DNMBP: variants seen among roughly 807,000 people sequenced by gnomAD.
DNMBP encodes the protein dynamin-binding protein.
In DNMBP, 87 loss-of-function variants were observed where a neutral mutation model predicts 150.0. The ratio of observed to expected loss-of-function variants is 0.58; its 90% CI spans 0.49 to 0.69. The LOEUF (loss-of-function observed/expected upper bound fraction) is 0.69, where lower values mean the gene tolerates loss of function less well. DNMBP is among the 30% of genes least tolerant of loss of function. DNMBP has a pLI of 0.00. For synonymous variants in DNMBP, 711 were observed against 750.4 expected (o/e 0.95, Z 0.86); for missense variants, 1,774 against 1,949.0 (o/e 0.91, Z 1.69).
intron 3 of DNMBP, among the ~76,000 whole-genome samples, chr10:99,966,821 C>T (rs2040623762): frequency 6.6e-6 from 1 of 151,896 alleles, no homozygotes; most frequent in African/African-American, 2.4e-5. Context: ...TGTTCTGTTG[C>T]CCAAGCTGGA....
chr10:99,940,945 C>T (rs948572645), intron 4 of DNMBP, among the ~76,000 whole-genome samples: 11 of 152,124 alleles, frequency 7.2e-5, no homozygotes, highest in South Asian at 2.1e-4. Flanking sequence ...AGTACGGTGG[C>T]GCGATCTTGG....
chr10:99,927,101 G>A (rs550939823), intron 4 of DNMBP: 2 of 152,548 alleles, frequency 1.3e-5, no homozygotes, highest in East Asian at 1.9e-4. Flanking sequence ...CTGCCTGGGG[G>A]AGAGGCTGGA....
intron 1 of DNMBP, among the ~76,000 whole-genome samples, chr10:99,974,983 G>C (rs537552348): frequency 1.9e-4 from 29 of 152,292 alleles, no homozygotes; most frequent in African/African-American, 7.0e-4. Context: ...GCCCAGGCTG[G>C]TCTCAAACTC....
intron 6 of DNMBP, among the ~76,000 whole-genome samples, chr10:99,905,276 CTG>C (rs1347065940): frequency 6.6e-6 from 1 of 152,226 alleles, no homozygotes; most frequent in East Asian, 1.9e-4. Flanking sequence ...GTTTTTCTAA[CTG>C]TTCCAGAAAA....
intron 1 of DNMBP, among the ~76,000 whole-genome samples, chr10:99,980,298 T>C (rs1050593526): frequency 2.0e-5 from 3 of 151,686 alleles, no homozygotes; most frequent in Non-Finnish European, 4.4e-5. Context: ...TACAAAAAAA[T>C]TAGCCAAGTG....
At chr10:99,947,683 C>T (rs2040373409) in intron 4 of DNMBP, among the ~76,000 whole-genome samples, 3 of 152,016 alleles carry the variant, frequency 2.0e-5, no homozygotes, top group South Asian at 4.2e-4. Context: ...CACAATATAC[C>T]CTTGTAACAA....
intron 4 of DNMBP, chr10:99,914,115 A>T: frequency 2.2e-6 from 3 of 1,359,010 alleles, no homozygotes; most frequent in Non-Finnish European, 9.6e-7. Context: ...GAATCGCGCA[A>T]GTCACCCGGG....
At chr10:99,998,876 T>C (rs964571210) in intron 1 of DNMBP, among the ~76,000 whole-genome samples, 4 of 152,160 alleles carry the variant, frequency 2.6e-5, no homozygotes, top group Admixed American at 2.0e-4. Context: ...CTTTTTAGAT[T>C]TTAAATTGAG....
At chr10:99,932,816 G>C (rs1036504889) in intron 4 of DNMBP, among the ~76,000 whole-genome samples, 1 of 147,314 alleles carries the variant, frequency 6.8e-6, no homozygotes, top group Non-Finnish European at 1.5e-5. Context: ...GGTCTTGCTC[G>C]TGCAGGAGTT....
At chr10:99,985,190 G>A (rs950494203) in intron 1 of DNMBP, among the ~76,000 whole-genome samples, 1 of 152,126 alleles carries the variant, frequency 6.6e-6, no homozygotes, top group Non-Finnish European at 1.5e-5. Flanking sequence ...TCATTAGCAG[G>A]GTAGGTGATT....
Position 99,939,619 on chromosome 10 carries a change from A to G in DNMBP, c.2260+15595T>C, listed in dbSNP as rs1420602625. Reference sequence around the variant, plus strand: ...AATGGAAATAGCCCTTCCACTTTCTAAAACTAAACCACTTTTGTAAAACTA... The same window carrying G: ...AATGGAAATAGCCCTTCCACTTTCTGAAACTAAACCACTTTTGTAAAACTA... On this transcript the variant is annotated intron_variant, in intron 4 of 16. Coordinates refer to ENST00000324109, the MANE Select transcript of DNMBP (RefSeq NM_015221.4). 2.0e-5 allele frequency among the ~76,000 whole-genome samples: 3 copies of G among 152,260 alleles called. No individual in the cohort carries two copies. In the East Asian group the frequency reaches 5.8e-4, roughly 29 times the overall value.
chr10:99,875,856 T>C lies in DNMBP; in HGVS notation c.*1295A>G, dbSNP rs1362506938. ...ATAGGCTTCATAGCTGGGGAAGATCTTAAGATTCTTGGTCTAAGGGGTAAG... is the reference window on the plus strand; with the variant it reads ...ATAGGCTTCATAGCTGGGGAAGATCCTAAGATTCTTGGTCTAAGGGGTAAG... On this transcript the variant is annotated 3_prime_UTR_variant, in exon 17 of 17. Coordinates refer to ENST00000324109, the MANE Select transcript of DNMBP (RefSeq NM_015221.4). 1 of 152,238 alleles carries C rather than the reference T, an allele frequency of 6.6e-6. No individual in the cohort carries two copies. The highest frequency in any genetic ancestry group is 1.5e-5 in the Non-Finnish European group (1 of 68,044). The allele number at this position is 152,238 out of a possible 1,614,324, so 9.4% of individuals were successfully genotyped here.
At chr10:99,999,501 G>A (rs1019393331) in intron 1 of DNMBP, among the ~76,000 whole-genome samples, 2 of 152,078 alleles carry the variant, frequency 1.3e-5, no homozygotes, top group Admixed American at 6.5e-5. Context: ...CACCTTATCC[G>A]CGGTTTCACT....
intron 3 of DNMBP, 94 bp from the exon 4 acceptor site, chr10:99,957,299 C>A: frequency 8.7e-7 from 1 of 1,151,366 alleles, no homozygotes; most frequent in Non-Finnish European, 1.2e-6. Context: ...TAAACAGCTA[C>A]CAAATTCAAG....
intron 6 of DNMBP, 79 bp from the exon 7 acceptor site, chr10:99,900,145 CT>C (rs1156769793): frequency 6.9e-7 from 1 of 1,455,708 alleles, no homozygotes; most frequent in Non-Finnish European, 9.5e-7. Flanking sequence ...CACAGCCAAA[CT>C]TTAGTACCAG....
intron 11 of DNMBP, among the ~76,000 whole-genome samples, chr10:99,891,826 C>T (rs1316012096): frequency 1.4e-4 from 21 of 151,164 alleles, no homozygotes; most frequent in Admixed American, 1.4e-3. Context: ...TGCCCCGCCG[C>T]CCCATCTGGG....
In DNMBP at chr10:99,930,218, C is replaced by CTATATATA. The variant is rs1564735869; in HGVS notation, c.2261-21073_2261-21072insTATATATA. 175 of 702,950 alleles carry CTATATATA rather than the reference C, an allele frequency of 2.5e-4. 2 individuals carry two copies. The East Asian group carries it at 4.7e-3, about 19-fold the overall frequency. The allele number at this position is 702,950 out of a possible 1,614,324, so 43.5% of individuals were successfully genotyped here. A position where few individuals can be genotyped will look rare whatever the true frequency, so the allele number is the denominator to read the frequency against. ...AATCCTCAAGATTATGGTTAACATT[C>CTATATATA]TCATGGTCTATATACCACAACTGAG... is the stretch of plus-strand genomic sequence containing the variant. On this transcript the variant is annotated intron_variant, in intron 4 of 16. Coordinates refer to ENST00000324109, the MANE Select transcript of DNMBP (RefSeq NM_015221.4).
chr10:99,882,315 CTAATGA>C (rs1380349319), intron 15 of DNMBP, among the ~76,000 whole-genome samples: 2 of 152,274 alleles, frequency 1.3e-5, no homozygotes, highest in South Asian at 4.1e-4. Context: ...GTTACTATAG[CTAATGA>C]TAATGTATAT....
intron 1 of DNMBP, among the ~76,000 whole-genome samples, chr10:100,006,168 A>G (rs1165874428): frequency 6.6e-6 from 1 of 152,242 alleles, no homozygotes; most frequent in Non-Finnish European, 1.5e-5. Context: ...AGGGATGAGC[A>G]GAGAATATTT....
Sources: gnomAD v4.1 joint callset for allele counts (sites outside exome capture counted in the v4.1 genomes callset) on GRCh38, gnomAD v4.1.1 for gene constraint, MANE v1.5 for transcripts, NCBI Gene and HGNC (gene_info 2026-07-23, HGNC 2026-07-21) for gene names.